The following RCC1L variants were observed in gnomAD, a reference collection of about 807,000 sequenced individuals.
RCC1L encodes RCC1-like G exchanging factor-like protein.
Under a neutral mutation model 58.6 loss-of-function variants are expected in RCC1L, and 46 were observed. The observed-to-expected ratio is 0.79, with a 90% CI of 0.62 to 1.00. The LOEUF is 1.00. Among genes scored for constraint, RCC1L ranks in the 50% least tolerant of loss-of-function variants. The pLI, the probability that RCC1L is intolerant of heterozygous loss-of-function variation, is 0.00. For missense variants in RCC1L, 636 were observed against 623.6 expected (o/e 1.02, Z -0.21); for synonymous variants, 281 against 262.9 (o/e 1.07, Z -0.67).
chr7:75,056,378 C>A, intron 8 of RCC1L: 1 of 889,478 alleles, frequency 1.1e-6, no homozygotes, highest in Non-Finnish European at 1.6e-6. Context: ...ATAAATCATC[C>A]AGAAAACCCA....
chr7:75,028,331 C>T (rs1270897692), intron 10 of RCC1L, among the ~76,000 whole-genome samples: 1 of 151,858 alleles, frequency 6.6e-6, no homozygotes, highest in Non-Finnish European at 1.5e-5. Flanking sequence ...ATGTTGGCCA[C>T]GCTGGTCTTG....
At chr7:75,034,700 G>GT (rs879069622) in intron 10 of RCC1L, among the ~76,000 whole-genome samples, 3 of 152,104 alleles carry the variant, frequency 2.0e-5, no homozygotes, top group South Asian at 4.1e-4. Context: ...TGGTTTGTTT[G>GT]TTTTTTTCTT....
At chr7:75,044,105 T>C (rs1414654876) in intron 10 of RCC1L, among the ~76,000 whole-genome samples, 1 of 152,052 alleles carries the variant, frequency 6.6e-6, no homozygotes, top group Non-Finnish European at 1.5e-5. Context: ...CTCTAGCCTG[T>C]TGGAAGGGCG....
At chr7:75,066,413 C>T (rs367781711) in intron 3 of RCC1L, among the ~76,000 whole-genome samples, 1 of 152,140 alleles carries the variant, frequency 6.6e-6, no homozygotes, top group Non-Finnish European at 1.5e-5. Context: ...GAGATTACAC[C>T]ACTGCACTCC....
intron 10 of RCC1L, among the ~76,000 whole-genome samples, chr7:75,047,496 C>G (rs1805761145): frequency 1.3e-5 from 2 of 152,114 alleles, no homozygotes; most frequent in African/African-American, 4.8e-5. Flanking sequence ...CTCCTGGCCT[C>G]AAGCAATCCT....
At chr7:75,034,645 C>T (rs894240923) in intron 10 of RCC1L, among the ~76,000 whole-genome samples, 152,172 of 152,304 alleles carry the variant, frequency 1, 76,021 homozygotes, top group Middle Eastern at 1. Flanking sequence ...GATGTCTACC[C>T]GAGCTGAGTG....
chr7:75,044,580 C>CA (rs1203114669), intron 10 of RCC1L, among the ~76,000 whole-genome samples: 1 of 107,182 alleles, frequency 9.3e-6, no homozygotes, highest in Non-Finnish European at 1.7e-5. Flanking sequence ...GCCTGGGCGA[C>CA]AGAGCAAGAC....
At chr7:75,041,955 C>T (rs1444982340), downstream of RCC1L, among the ~76,000 whole-genome samples, 4 of 151,872 alleles carry the variant, frequency 2.6e-5, no homozygotes, top group African/African-American at 7.3e-5. Context: ...CGGTAGCTCA[C>T]ACCTATAATC....
intron 10 of RCC1L, among the ~76,000 whole-genome samples, chr7:75,033,612 T>C (rs1336456389): frequency 6.6e-6 from 1 of 151,880 alleles, no homozygotes; most frequent in African/African-American, 2.4e-5. Flanking sequence ...GAAGAATCGC[T>C]TGAACCTGGG....
Position 75,060,673 on chromosome 7 carries a change from C to T in RCC1L, c.787+534G>A, listed in dbSNP as rs976433034. ...CTCAAACTCCTGACCTCAAGTGATC[C>T]GCCCACCTCGGCCTCCCAAAGTGCT... On this transcript the variant is annotated intron_variant, in intron 6 of 10. Coordinates refer to ENST00000610322, the MANE Select transcript of RCC1L (RefSeq NM_030798.5). Among the ~76,000 whole-genome samples the T allele has an allele frequency of 8.5e-5, 13 of 152,240 alleles. No homozygotes were observed. In the East Asian group the frequency reaches 1.2e-3, roughly 14 times the overall value.
intron 10 of RCC1L, 83 bp from the exon 11 acceptor site, chr7:75,043,192 G>C: frequency 2.0e-6 from 3 of 1,491,466 alleles, no homozygotes; most frequent in Non-Finnish European, 2.8e-6. Context: ...ACCCGGCCCT[G>C]CCTCTCAGTA....
downstream of RCC1L, among the ~76,000 whole-genome samples, chr7:75,038,851 T>A (rs907701147): frequency 5.3e-5 from 8 of 152,280 alleles, no homozygotes; most frequent in African/African-American, 1.9e-4. Context: ...CAGTGGCAGA[T>A]GACATCCTCC....
At chr7:75,043,144 G>A in intron 10 of RCC1L, 35 bp from the exon 11 acceptor site, 1 of 1,610,590 alleles carries the variant, frequency 6.2e-7, no homozygotes, top group South Asian at 1.1e-5. Context: ...ATGGGTGGGG[G>A]TGGCGCACCC....
chr7:75,054,477 A>G (rs1481569276), intron 9 of RCC1L, among the ~76,000 whole-genome samples: 5 of 152,224 alleles, frequency 3.3e-5, no homozygotes, highest in Non-Finnish European at 5.9e-5. Flanking sequence ...CCTCTGCTCT[A>G]GTCAAATGCT....
At chr7:75,027,612 G>A (rs1805172907) in exon 11 of RCC1L, 1 of 200,346 alleles carries the variant, frequency 5.0e-6, no homozygotes, top group Non-Finnish European at 1.0e-5. Flanking sequence ...AAGCATGTGT[G>A]TCGGGGCGCG....
At chr7:75,055,879 G>A (rs782387834) in intron 9 of RCC1L, 22 bp downstream of exon 9, 240 of 1,613,892 alleles carry the variant, frequency 1.5e-4, no homozygotes, top group Non-Finnish European at 2.0e-4. Flanking sequence ...TCACACCAGG[G>A]CCACCGGGCT....
intron 3 of RCC1L, 38 bp from the exon 4 acceptor site, chr7:75,064,686 T>C: frequency 6.2e-7 from 1 of 1,610,142 alleles, no homozygotes; most frequent in Non-Finnish European, 8.5e-7. Flanking sequence ...GTTCTGCAGG[T>C]TTGTGGGATC....
At chr7:75,040,007 G>C (rs928132584), downstream of RCC1L, among the ~76,000 whole-genome samples, 5 of 152,110 alleles carry the variant, frequency 3.3e-5, no homozygotes, top group Admixed American at 2.6e-4. Flanking sequence ...TGGGGAGAAG[G>C]CTTGGTCCAC....
downstream of RCC1L, among the ~76,000 whole-genome samples, chr7:75,040,998 A>G (rs1383086999): frequency 2.6e-5 from 4 of 151,892 alleles, no homozygotes; most frequent in African/African-American, 7.2e-5. Context: ...TGAGCGGATC[A>G]CCTGAGGTCA....
Sources: allele counts gnomAD v4.1 joint callset (sites outside exome capture counted in the v4.1 genomes callset), GRCh38; gene constraint gnomAD v4.1.1; transcripts MANE v1.5; gene names NCBI Gene and HGNC (gene_info 2026-07-23, HGNC 2026-07-21).